GLCCI1: variants seen among roughly 807,000 people sequenced by gnomAD.
The protein encoded by GLCCI1 is glucocorticoid induced 1, also known as glucocorticoid-induced transcript 1 protein.
A neutral mutation model predicts 52.2 loss-of-function variants in GLCCI1; 24 were observed. The ratio of observed to expected loss-of-function variants is 0.46; its 90% confidence interval spans 0.33 to 0.65. The LOEUF (loss-of-function observed/expected upper bound fraction) is 0.65. Ranked by LOEUF, GLCCI1 falls within the 30% of genes least tolerant of loss-of-function variation. The probability of loss-of-function intolerance (pLI) is 0.02; values close to 1 mark genes in which losing one functional copy is unlikely to be tolerated. For missense variants in GLCCI1, 704 were observed against 701.5 expected (o/e 1.00, Z -0.04); for synonymous variants, 310 against 276.5 (o/e 1.12, Z -1.20).
At chr7:7,975,767 A>T (rs980333337) in intron 1 of GLCCI1, among the ~76,000 whole-genome samples, 3 of 152,138 alleles carry the variant, frequency 2.0e-5, no homozygotes, top group Non-Finnish European at 4.4e-5. Flanking sequence ...AGAAAGAGAC[A>T]GAGAGAATGT....
chr7:8,002,309 T>C (rs1383592496), intron 1 of GLCCI1, among the ~76,000 whole-genome samples: 2 of 152,162 alleles, frequency 1.3e-5, no homozygotes, highest in African/African-American at 4.8e-5. Flanking sequence ...CAAGGAACTA[T>C]ATATTCTGAA....
chr7:7,990,115 G>A (rs576287695), intron 1 of GLCCI1, among the ~76,000 whole-genome samples: 1 of 152,048 alleles, frequency 6.6e-6, no homozygotes, highest in Non-Finnish European at 1.5e-5. Flanking sequence ...ACTTTGAGAT[G>A]AGTCCAGTAC....
Position 8,055,453 on chromosome 7 carries a change from G to C in GLCCI1, c.717G>C (p.Gln239His). 1 of 1,613,140 alleles carries C rather than the reference G, an allele frequency of 6.2e-7. No homozygotes were observed. Among genetic ancestry groups the C allele is most frequent in the Non-Finnish European group, 8.5e-7 (1 of 1,179,302 alleles). The change falls in exon 4 of 8, where the codon CAG (glutamine) becomes CAC (histidine). Residue 239 changes from glutamine to histidine, a missense_variant. By Grantham distance (24) the Gln-to-His change is conservative (BLOSUM62 0). Around this residue, in one of 3 missense-constraint regions of GLCCI1, gnomAD observed 547 missense variants for 524.8 expected, o/e 1.04. Transcript: ENST00000223145. ...QLKEQIAKLRQQLQRSKQSSR... is the reference protein window; with the variant it reads ...QLKEQIAKLRHQLQRSKQSSR... The stretch of plus-strand genomic sequence containing the variant: ...CAAAGCAGATCGCCAAACTGAGGCA[G>C]CAACTACAACGCAGTAAACAGAGTA...
chr7:7,989,979 T>A (rs1780807943), intron 1 of GLCCI1, among the ~76,000 whole-genome samples: 1 of 152,144 alleles, frequency 6.6e-6, no homozygotes, highest in South Asian at 2.1e-4. Flanking sequence ...AGTTCAGTTC[T>A]TGTCACCTGT....
At chr7:8,000,011 A>G (rs929304179) in intron 1 of GLCCI1, among the ~76,000 whole-genome samples, 8 of 152,236 alleles carry the variant, frequency 5.3e-5, no homozygotes, top group African/African-American at 1.7e-4. Context: ...TGGACTACAT[A>G]CAGCGTTTCA....
chr7:7,996,905 T>C (rs1477974062), intron 1 of GLCCI1, among the ~76,000 whole-genome samples: 1 of 152,244 alleles, frequency 6.6e-6, no homozygotes, highest in Non-Finnish European at 1.5e-5. Flanking sequence ...TCAGTTTTGC[T>C]CTTTGGTTTT....
chr7:8,088,119 C>T lies in GLCCI1; in HGVS notation c.*1581C>T, dbSNP rs2127971206. 6.6e-6 allele frequency: 1 copy of T among 152,172 alleles called. No homozygotes were observed. Among genetic ancestry groups the T allele is most frequent in the Middle Eastern group, 3.4e-3 (1 of 292 alleles). 9.4% of individuals were successfully genotyped at this position (152,172 alleles called of 1,614,324 possible). ...TACAGTTAAAGGAACGTTTCAGTTC[C>T]TTTCATTCATTCCTGGGTTTTTCTT... is the stretch of plus-strand genomic sequence containing the variant. On this transcript the variant is annotated 3_prime_UTR_variant, in exon 8 of 8. Transcript: ENST00000223145.
rs564656560 is a variant in GLCCI1, at chr7:8,031,145, C to T, written c.696+8576C>T. ...AAGATTTGGAAGCAGCCTAAGTGTC[C>T]GTCAACAGATGAATGGATAAAGAAA... On this transcript the variant is annotated intron_variant, in intron 3 of 7. Coordinates refer to ENST00000223145, the MANE Select transcript of GLCCI1 (RefSeq NM_138426.4). Among the ~76,000 whole-genome samples, 11 of 152,046 alleles carry T rather than the reference C, an allele frequency of 7.2e-5. No individual in the cohort carries two copies. The East Asian group carries it at 9.6e-4, about 13-fold the overall frequency.
chr7:8,057,288 A>C (rs1425860763), intron 4 of GLCCI1, among the ~76,000 whole-genome samples: 1 of 152,192 alleles, frequency 6.6e-6, no homozygotes, highest in Non-Finnish European at 1.5e-5. Flanking sequence ...TAAAAAAAAA[A>C]AGGAAATAGA....
Position 8,060,348 on chromosome 7 carries a change from A to C in GLCCI1, c.966+100A>C, listed in dbSNP as rs569605148. Reference sequence around the variant, plus strand: ...ACAGCTTTGTTAAGATATAATTCACATACCATCCAGTTTACTCATTTAGTG... The same window carrying C: ...ACAGCTTTGTTAAGATATAATTCACCTACCATCCAGTTTACTCATTTAGTG... On this transcript the variant is annotated intron_variant, in intron 5 of 7. Transcript: ENST00000223145. 5.9e-5 allele frequency: 53 copies of C among 898,102 alleles called. No homozygotes were observed. The African/African-American group carries it at 7.2e-4, about 12-fold the overall frequency. 55.6% of individuals were successfully genotyped at this position (898,102 alleles called of 1,614,324 possible).
In GLCCI1 at chr7:8,088,310, T is replaced by G. The variant is rs1054894682; in HGVS notation, c.*1772T>G. On this transcript the variant is annotated 3_prime_UTR_variant, in exon 8 of 8. Coordinates refer to ENST00000223145, the MANE Select transcript of GLCCI1 (RefSeq NM_138426.4). ...TTTTGTCATGATCTCAATTCTCTTCTTTCCACCAAAGTTTGTCGTAATATT... is the reference window on the plus strand; with the variant it reads ...TTTTGTCATGATCTCAATTCTCTTCGTTCCACCAAAGTTTGTCGTAATATT... The G allele has an allele frequency of 6.6e-6, 1 of 152,092 alleles. No individual in the cohort carries two copies. Among genetic ancestry groups the G allele is most frequent in the African/African-American group, 2.4e-5 (1 of 41,288 alleles). The allele number at this position is 152,092 out of a possible 1,614,324, so 9.4% of individuals were successfully genotyped here. A position where few individuals can be genotyped will look rare whatever the true frequency, so the allele number is the denominator to read the frequency against.
intron 2 of GLCCI1, among the ~76,000 whole-genome samples, chr7:8,005,505 G>C (rs929274284): frequency 1.3e-5 from 2 of 152,166 alleles, no homozygotes; most frequent in South Asian, 2.1e-4. Flanking sequence ...AGATGGAAAA[G>C]CAGTCACTCA....
intron 1 of GLCCI1, among the ~76,000 whole-genome samples, chr7:7,995,161 G>A (rs1203324880): frequency 1.3e-5 from 2 of 152,090 alleles, no homozygotes; most frequent in African/African-American, 4.8e-5. Flanking sequence ...TAAATAAAAA[G>A]CAAATTTTGA....
At chr7:8,071,851 C>T (rs1415090172) in intron 6 of GLCCI1, among the ~76,000 whole-genome samples, 4 of 152,148 alleles carry the variant, frequency 2.6e-5, no homozygotes, top group Admixed American at 2.0e-4. Context: ...AACAAATTTA[C>T]TGCTTGTCAC....
At chr7:7,980,564 G>C in intron 1 of GLCCI1, 1 of 581,288 alleles carries the variant, frequency 1.7e-6, no homozygotes, top group South Asian at 2.2e-5. Context: ...GATCCTACAG[G>C]GACTGGTCAT....
intron 1 of GLCCI1, among the ~76,000 whole-genome samples, chr7:7,998,071 ATATAT>A (rs1244785318): frequency 6.6e-6 from 1 of 151,878 alleles, no homozygotes; most frequent in East Asian, 1.9e-4. Context: ...TACATTTAAC[ATATAT>A]TAGAGCAGTC....
chr7:8,079,003 G>A (rs940750859), intron 6 of GLCCI1, among the ~76,000 whole-genome samples: 1 of 152,154 alleles, frequency 6.6e-6, no homozygotes, highest in African/African-American at 2.4e-5. Flanking sequence ...AACATTGATA[G>A]CATTTTGCTT....
chr7:8,066,807 GGTT>G, intron 5 of GLCCI1, among the ~76,000 whole-genome samples: 1 of 151,944 alleles, frequency 6.6e-6, no homozygotes, highest in East Asian at 1.9e-4. Context: ...CCATTCGTGT[GGTT>G]GTTTTTATAT....
At position 8,020,226 on chromosome 7, in the gene GLCCI1, C is replaced by G. The variant is rs539864269; in HGVS notation, c.610-2257C>G. Among the ~76,000 whole-genome samples, 9 of 151,994 alleles carry G rather than the reference C, an allele frequency of 5.9e-5. No individual in the cohort carries two copies. The South Asian group carries it at 1.9e-3, about 32-fold the overall frequency. On this transcript the variant is annotated intron_variant, in intron 2 of 7. Transcript: ENST00000223145. Reference sequence around the variant, plus strand: ...AGACAAACATACACATTAGCCTAGGCCCACACAAGATCAGGATCATCAAGA... The same window carrying G: ...AGACAAACATACACATTAGCCTAGGGCCACACAAGATCAGGATCATCAAGA...
Sources: gnomAD v4.1 joint callset for allele counts (sites outside exome capture counted in the v4.1 genomes callset) on GRCh38, gnomAD v4.1.1 for gene constraint, gnomAD v4.1.1 regional missense constraint, MANE v1.5 for transcripts, NCBI Gene and HGNC (gene_info 2026-07-23, HGNC 2026-07-21) for gene names.